The following IKZF2 variants were observed in gnomAD, a reference collection of about 807,000 sequenced individuals.
The protein encoded by IKZF2 is IKAROS family zinc finger 2, also known as zinc finger protein Helios.
A neutral mutation model predicts 49.2 loss-of-function variants in IKZF2; 15 were observed. The ratio of observed to expected loss-of-function variants is 0.30; its 90% CI spans 0.20 to 0.47. The LOEUF is 0.47. Among genes scored for constraint, IKZF2 ranks in the 20% least tolerant of loss-of-function variants. The pLI is 1.00. For missense variants in IKZF2, 567 were observed against 664.6 expected, an observed-to-expected ratio of 0.85 and a Z score of 1.61; for synonymous variants, 227 against 221.4, an observed-to-expected ratio of 1.03 and a Z score of -0.23.
chr2:213,108,533 G>A (rs1048816759), intron 4 of IKZF2, among the ~76,000 whole-genome samples: 7 of 151,998 alleles, frequency 4.6e-5, no homozygotes, highest in African/African-American at 1.5e-4. Flanking sequence ...AGTAGCCATC[G>A]GGCTACAGTG....
At chr2:213,013,583 T>C (rs569137489) in intron 8 of IKZF2, among the ~76,000 whole-genome samples, 1 of 152,168 alleles carries the variant, frequency 6.6e-6, no homozygotes, top group East Asian at 1.9e-4. Context: ...GTGACCACTA[T>C]CAGTCTTTAT....
chr2:213,045,786 A>T (rs1700096086), intron 6 of IKZF2, among the ~76,000 whole-genome samples: 1 of 152,138 alleles, frequency 6.6e-6, no homozygotes, highest in Admixed American at 6.6e-5. Flanking sequence ...TGAAGCACAA[A>T]ATGTGGTGGC....
intron 4 of IKZF2, among the ~76,000 whole-genome samples, chr2:213,097,573 T>C (rs1343793197): frequency 1.3e-5 from 2 of 152,110 alleles, no homozygotes; most frequent in African/African-American, 4.8e-5. Context: ...TTAAGATCAG[T>C]CATACCCTTG....
At chr2:213,009,276 T>C (rs73087334) in intron 8 of IKZF2, among the ~76,000 whole-genome samples, 209 of 152,264 alleles carry the variant, frequency 1.4e-3, no homozygotes, top group African/African-American at 4.9e-3. Flanking sequence ...GTTTTGGTGC[T>C]TGCAACGGGA....
chr2:213,059,298 G>A (rs1394567811), intron 4 of IKZF2, among the ~76,000 whole-genome samples: 1 of 151,424 alleles, frequency 6.6e-6, no homozygotes, highest in East Asian at 1.9e-4. Flanking sequence ...CAAACATTTT[G>A]GTTTATCTCT....
intron 4 of IKZF2, among the ~76,000 whole-genome samples, chr2:213,091,744 A>G (rs924353550): frequency 1.3e-5 from 2 of 152,194 alleles, no homozygotes; most frequent in Non-Finnish European, 2.9e-5. Context: ...AATAAAAGAA[A>G]GAATATTCTA....
intron 4 of IKZF2, among the ~76,000 whole-genome samples, chr2:213,134,845 G>T (rs2060597243): frequency 6.6e-6 from 1 of 152,206 alleles, no homozygotes; most frequent in South Asian, 2.1e-4. Context: ...GGGAGGAAAA[G>T]ACGCTATTTT....
At chr2:213,073,607 C>T (rs1480644142) in intron 4 of IKZF2, among the ~76,000 whole-genome samples, 2 of 152,250 alleles carry the variant, frequency 1.3e-5, no homozygotes, top group East Asian at 3.9e-4. Flanking sequence ...CTTCACCTTT[C>T]CAAAATGTAA....
intron 4 of IKZF2, among the ~76,000 whole-genome samples, chr2:213,143,873 G>A (rs952001679): frequency 2.0e-5 from 3 of 151,912 alleles, no homozygotes; most frequent in Admixed American, 6.6e-5. Flanking sequence ...ATATGGGCCA[G>A]TATTGGACAC....
chr2:213,066,552 T>C (rs1312859971), intron 4 of IKZF2, among the ~76,000 whole-genome samples: 4 of 152,132 alleles, frequency 2.6e-5, no homozygotes, highest in Non-Finnish European at 4.4e-5. Context: ...GGCCCTCAGA[T>C]GCAGGATTGG....
intron 6 of IKZF2, among the ~76,000 whole-genome samples, chr2:213,028,449 G>A (rs1354786296): frequency 2.6e-5 from 4 of 152,094 alleles, no homozygotes; most frequent in Admixed American, 6.6e-5. Context: ...TGACAGACTC[G>A]ATTTCAGGAG....
At chr2:213,014,865 G>A (rs192202616) in intron 7 of IKZF2, 6 of 152,086 alleles carry the variant, frequency 3.9e-5, no homozygotes, top group Admixed American at 3.3e-4. Flanking sequence ...CTTATTACTT[G>A]TTGTTTATTG....
At chr2:213,032,794 G>A (rs966355272) in intron 6 of IKZF2, among the ~76,000 whole-genome samples, 9 of 152,186 alleles carry the variant, frequency 5.9e-5, no homozygotes, top group African/African-American at 2.2e-4. Flanking sequence ...GGAGGAGGGT[G>A]TTGCCTTGAT....
intron 6 of IKZF2, among the ~76,000 whole-genome samples, chr2:213,030,300 C>G (rs959538226): frequency 2.4e-4 from 37 of 151,318 alleles, no homozygotes; most frequent in African/African-American, 8.3e-4. Context: ...CTTAATGACT[C>G]TAGGTTTATT....
chr2:213,044,915 G>A (rs899384918), intron 6 of IKZF2, among the ~76,000 whole-genome samples: 22 of 152,158 alleles, frequency 1.4e-4, no homozygotes, highest in Non-Finnish European at 2.5e-4. Flanking sequence ...AGAAACATGG[G>A]ATGGTAGTAT....
At chr2:213,048,930 A>T (rs1290780112) in intron 6 of IKZF2, among the ~76,000 whole-genome samples, 1 of 152,070 alleles carries the variant, frequency 6.6e-6, no homozygotes, top group Non-Finnish European at 1.5e-5. Context: ...CAGAAGAAAC[A>T]AATAAAACTA....
chr2:213,101,155 A>G (rs1305704665), intron 4 of IKZF2, among the ~76,000 whole-genome samples: 1 of 152,046 alleles, frequency 6.6e-6, no homozygotes, highest in African/African-American at 2.4e-5. Context: ...CAACATTCTT[A>G]TGTCTATAAT....
intron 6 of IKZF2, among the ~76,000 whole-genome samples, chr2:213,033,452 G>A (rs1432720834): frequency 6.6e-6 from 1 of 152,148 alleles, no homozygotes; most frequent in Non-Finnish European, 1.5e-5. Context: ...GGCACCTCTA[G>A]CCTTATAAAA....
At chr2:213,104,462 C>A (rs767665105) in intron 4 of IKZF2, among the ~76,000 whole-genome samples, 10 of 152,098 alleles carry the variant, frequency 6.6e-5, no homozygotes, top group Non-Finnish European at 1.5e-4. Flanking sequence ...TTCATTCTTC[C>A]AATCTTGTAC....
Sources: gnomAD v4.1 joint callset for allele counts (sites outside exome capture counted in the v4.1 genomes callset) on GRCh38, gnomAD v4.1.1 for gene constraint, MANE v1.5 for transcripts, NCBI Gene and HGNC (gene_info 2026-07-23, HGNC 2026-07-21) for gene names.